Variants in KCNQ5 observed in about 807,000 individuals in gnomAD.
KCNQ5 encodes potassium voltage-gated channel subfamily KQT member 5.
KCNQ5 carries 30 observed loss-of-function variants against 98.2 expected under a neutral mutation model. That is an observed-to-expected ratio of 0.31 (90% confidence interval 0.23 to 0.41). The LOEUF is 0.41. KCNQ5 is among the 10% of genes least tolerant of loss of function. KCNQ5 has a pLI of 1.00. For synonymous variants in KCNQ5, 458 were observed against 449.4 expected, an observed-to-expected ratio of 1.02 and a Z score of -0.24; for missense variants, 835 against 1,182.5, an observed-to-expected ratio of 0.71 and a Z score of 4.31.
At chr6:72,788,821 G>A (rs1277241627) in intron 1 of KCNQ5, among the ~76,000 whole-genome samples, 4 of 152,024 alleles carry the variant, frequency 2.6e-5, no homozygotes, top group African/African-American at 4.8e-5. Context: ...TTTAAGGTAG[G>A]ATATTACTTA....
intron 1 of KCNQ5, among the ~76,000 whole-genome samples, chr6:72,777,607 A>AAAG (rs1362389345): frequency 6.6e-6 from 1 of 152,196 alleles, no homozygotes; most frequent in African/African-American, 2.4e-5. Context: ...ATAAGCATTT[A>AAAG]AACAACAACA....
At chr6:72,898,598 A>G (rs1317450195) in intron 1 of KCNQ5, among the ~76,000 whole-genome samples, 1 of 152,092 alleles carries the variant, frequency 6.6e-6, no homozygotes, top group Non-Finnish European at 1.5e-5. Context: ...GGCTGGTTCC[A>G]TGTCTTAGCT....
In KCNQ5 at chr6:73,198,457, GA is replaced by G. The variant is rs1562232794; in HGVS notation, c.*3044del. ...TTGCAAGTAAAATAAGTCTACTAGAGAGGAGGAAATCAGGCACAAATTGACC... is the reference window on the plus strand; with the variant it reads ...TTGCAAGTAAAATAAGTCTACTAGAGGGAGGAAATCAGGCACAAATTGACC... On this transcript the variant is annotated 3_prime_UTR_variant, in exon 14 of 14. Coordinates refer to ENST00000370398, the MANE Select transcript of KCNQ5 (RefSeq NM_019842.4). 6.6e-6 allele frequency: 1 copy of G among 152,186 alleles called. No homozygotes were observed. The highest frequency in any genetic ancestry group is 1.5e-5 in the Non-Finnish European group (1 of 68,038). 9.4% of individuals were successfully genotyped at this position (152,186 alleles called of 1,614,324 possible). A position where few individuals can be genotyped will look rare whatever the true frequency, so the allele number is the denominator to read the frequency against.
intron 1 of KCNQ5, among the ~76,000 whole-genome samples, chr6:72,683,291 A>G (rs949758549): frequency 1.3e-5 from 2 of 151,104 alleles, no homozygotes; most frequent in Admixed American, 1.3e-4. Context: ...AAATCAGCAC[A>G]CACATTCTCA....
chr6:73,085,655 C>A (rs76666800), intron 5 of KCNQ5, among the ~76,000 whole-genome samples: 1 of 152,128 alleles, frequency 6.6e-6, no homozygotes, highest in Non-Finnish European at 1.5e-5. Context: ...TCAGATTTCA[C>A]AACCTTCTAT....
At chr6:73,009,744 A>G (rs1445380856) in intron 2 of KCNQ5, among the ~76,000 whole-genome samples, 5 of 152,212 alleles carry the variant, frequency 3.3e-5, no homozygotes, top group African/African-American at 9.6e-5. Flanking sequence ...AGTACTGTGA[A>G]CAATTGTATG....
chr6:72,654,291 G>C (rs1048721944), intron 1 of KCNQ5, among the ~76,000 whole-genome samples: 3 of 151,938 alleles, frequency 2.0e-5, no homozygotes, highest in African/African-American at 7.2e-5. Context: ...TGGATTTAAA[G>C]TGATAGAAAG....
intron 1 of KCNQ5, among the ~76,000 whole-genome samples, chr6:72,913,023 T>C (rs1443942333): frequency 6.6e-6 from 1 of 152,184 alleles, no homozygotes. Context: ...TTTACCTATG[T>C]AACAAACCTG....
At chr6:73,152,176 G>A (rs79613009) in intron 10 of KCNQ5, among the ~76,000 whole-genome samples, 2,159 of 151,618 alleles carry the variant, frequency 0.014, 35 homozygotes, top group African/African-American at 0.05. Context: ...TCTGGAAATA[G>A]TTCGTATCCA....
At chr6:72,845,300 T>C (rs917408868) in intron 1 of KCNQ5, among the ~76,000 whole-genome samples, 11 of 152,144 alleles carry the variant, frequency 7.2e-5, no homozygotes, top group Non-Finnish European at 1.3e-4. Flanking sequence ...AACACTAAGA[T>C]AGAGCATCAC....
chr6:73,154,841 T>G (rs1017494316), intron 10 of KCNQ5, among the ~76,000 whole-genome samples: 3 of 152,190 alleles, frequency 2.0e-5, no homozygotes, highest in Non-Finnish European at 2.9e-5. Flanking sequence ...ATTTTGGGTT[T>G]TTTTCACAGT....
intron 1 of KCNQ5, among the ~76,000 whole-genome samples, chr6:72,887,973 A>T (rs1161282898): frequency 6.6e-6 from 1 of 152,186 alleles, no homozygotes; most frequent in Non-Finnish European, 1.5e-5. Context: ...TAAGCAGCCC[A>T]CTTAAAAATA....
intron 11 of KCNQ5, among the ~76,000 whole-genome samples, chr6:73,176,380 C>T (rs139780109): frequency 6.6e-6 from 1 of 152,302 alleles, no homozygotes; most frequent in East Asian, 1.9e-4. Flanking sequence ...TTTTGCCGTC[C>T]GCCATGATTT....
intron 1 of KCNQ5, among the ~76,000 whole-genome samples, chr6:72,717,081 A>T (rs1561939430): frequency 6.6e-6 from 1 of 152,244 alleles, no homozygotes; most frequent in Non-Finnish European, 1.5e-5. Context: ...AATGTGAGTC[A>T]TAATCCCCAT....
At chr6:72,938,251 G>A (rs533714188) in intron 1 of KCNQ5, among the ~76,000 whole-genome samples, 2 of 152,168 alleles carry the variant, frequency 1.3e-5, no homozygotes, top group African/African-American at 4.8e-5. Flanking sequence ...GCCTAAGCCT[G>A]GGAGGTAGGA....
chr6:72,712,102 G>C (rs553878467), intron 1 of KCNQ5, among the ~76,000 whole-genome samples: 1 of 152,182 alleles, frequency 6.6e-6, no homozygotes, highest in South Asian at 2.1e-4. Flanking sequence ...AACAGTGCTG[G>C]TATACAGGAG....
intron 1 of KCNQ5, among the ~76,000 whole-genome samples, chr6:72,881,343 T>A (rs1778628083): frequency 6.6e-6 from 1 of 152,188 alleles, no homozygotes; most frequent in African/African-American, 2.4e-5. Context: ...GAATTAGAGG[T>A]AATGGATTTC....
intron 1 of KCNQ5, among the ~76,000 whole-genome samples, chr6:72,928,273 T>A (rs1765532822): frequency 6.6e-6 from 1 of 152,052 alleles, no homozygotes; most frequent in African/African-American, 2.4e-5. Context: ...TAGACAGATA[T>A]TTTATTGAGT....
At position 72,986,928 on chromosome 6, in the gene KCNQ5, C is replaced by A. The variant is rs377274537; in HGVS notation, c.399-16980C>A. On this transcript the variant is annotated intron_variant, in intron 1 of 13. Transcript: ENST00000370398. Reference sequence around the variant, plus strand: ...GTGGGGAAGAAGGGTGAGGAACAGGCAGCCTTGGGGCAGATAACGGAAGCA... The same window carrying A: ...GTGGGGAAGAAGGGTGAGGAACAGGAAGCCTTGGGGCAGATAACGGAAGCA... The A allele has an allele frequency of 2.0e-3, 1,708 of 858,180 alleles. 43 individuals are homozygous for A. In the South Asian group the frequency reaches 0.023, roughly 11 times the overall value. The allele number at this position is 858,180 out of a possible 1,614,324, so 53.2% of individuals were successfully genotyped here. A position where few individuals can be genotyped will look rare whatever the true frequency, so the allele number is the denominator to read the frequency against.
Sources: allele counts gnomAD v4.1 joint callset (sites outside exome capture counted in the v4.1 genomes callset), GRCh38; gene constraint gnomAD v4.1.1; transcripts MANE v1.5; gene names NCBI Gene and HGNC (gene_info 2026-07-23, HGNC 2026-07-21).